Variants in KYNU observed in about 807,000 individuals in gnomAD.
KYNU encodes the protein kynureninase.
A neutral mutation model predicts 59.2 loss-of-function variants in KYNU; 54 were observed. That is an observed-to-expected ratio of 0.91 (90% CI 0.73 to 1.14). The LOEUF is 1.14. Ranked by LOEUF, KYNU falls within the 50% of genes most tolerant of loss-of-function variation. The pLI, the probability that KYNU is intolerant of heterozygous loss-of-function variation, is 0.00. For synonymous variants in KYNU, 177 were observed against 192.0 expected (o/e 0.92, Z 0.65); for missense variants, 567 against 554.4 (o/e 1.02, Z -0.23).
chr2:142,895,210 T>C (rs4662305), intron 2 of KYNU, among the ~76,000 whole-genome samples: 83,984 of 151,952 alleles, frequency 0.55, 24,253 homozygotes, highest in African/African-American at 0.7. Context: ...TATAGAATTA[T>C]ATTAACACAC....
chr2:142,905,908 G>A (rs1301024137), intron 2 of KYNU, among the ~76,000 whole-genome samples: 2 of 152,116 alleles, frequency 1.3e-5, no homozygotes, highest in Non-Finnish European at 2.9e-5. Context: ...TCAATTATAG[G>A]TTTTAAATTT....
At chr2:142,932,265 G>A (rs1026731409) in intron 4 of KYNU, among the ~76,000 whole-genome samples, 2 of 152,088 alleles carry the variant, frequency 1.3e-5, no homozygotes. Context: ...TTGAGAGTGA[G>A]GAAGAACAAA....
intron 4 of KYNU, among the ~76,000 whole-genome samples, chr2:142,932,384 C>T (rs572346648): frequency 2.0e-5 from 3 of 152,202 alleles, no homozygotes; most frequent in Admixed American, 2.0e-4. Flanking sequence ...GGGAGAGAAA[C>T]TGGCCTTGCA....
intron 8 of KYNU, among the ~76,000 whole-genome samples, chr2:142,981,175 G>A (rs189760518): frequency 4.9e-4 from 75 of 152,210 alleles, no homozygotes; most frequent in Admixed American, 8.5e-4. Flanking sequence ...GTGGCCAGAA[G>A]GATTTTCATA....
chr2:143,019,840 T>C lies in KYNU; in HGVS notation c.903-9787T>C, dbSNP rs376188945. Among the ~76,000 whole-genome samples the C allele has an allele frequency of 4.5e-4, 68 of 152,176 alleles. 2 individuals are homozygous for C. The highest frequency in any genetic ancestry group is 1.6e-3 in the African/African-American group (65 of 41,574). On this transcript the variant is annotated intron_variant, in intron 10 of 13. Transcript: ENST00000264170. Reference sequence around the variant, plus strand: ...TTATTGCTTCAATCTTCTTACTGTTTCTTCATAGTTCAACCCTGGTAGATC... The same window carrying C: ...TTATTGCTTCAATCTTCTTACTGTTCCTTCATAGTTCAACCCTGGTAGATC...
At chr2:142,881,654 A>G (rs1369261426) in intron 1 of KYNU, among the ~76,000 whole-genome samples, 1 of 152,212 alleles carries the variant, frequency 6.6e-6, no homozygotes, top group African/African-American at 2.4e-5. Context: ...CTTGTGATCC[A>G]ATATTCCCCT....
At chr2:143,013,294 T>TTGTGTGTGTGTGTGTGTG (rs1558975473) in intron 10 of KYNU, among the ~76,000 whole-genome samples, 1 of 133,250 alleles carries the variant, frequency 7.5e-6, no homozygotes, top group Admixed American at 7.6e-5. Flanking sequence ...CTCTGTCTCT[T>TTGTGTGTGTGTGTGTGTG]TCTCTGTGTG....
In KYNU at chr2:143,045,320, T is replaced by A. The variant is rs1687149292; in HGVS notation, c.*3148T>A. The stretch of plus-strand genomic sequence containing the variant: ...GGATTGTCTTGGCAATACAGGTTCT[T>A]TTTTGGTTCCATATGAAATTTAAAG... On this transcript the variant is annotated 3_prime_UTR_variant, in exon 14 of 14. Coordinates refer to ENST00000264170, the MANE Select transcript of KYNU (RefSeq NM_003937.3). The A allele has an allele frequency of 6.6e-6, 1 of 152,212 alleles. No homozygotes were observed. Among genetic ancestry groups the A allele is most frequent in the Admixed American group, 6.6e-5 (1 of 15,264 alleles). The allele number at this position is 152,212 out of a possible 1,614,324, so 9.4% of individuals were successfully genotyped here. A position where few individuals can be genotyped will look rare whatever the true frequency, so the allele number is the denominator to read the frequency against.
Position 143,042,164 on chromosome 2 carries a change from A to G in KYNU, c.1390A>G (p.Lys464Glu), listed in dbSNP as rs1445922282. 5.6e-6 allele frequency: 9 copies of G among 1,609,278 alleles called. No homozygotes were observed. Among genetic ancestry groups the G allele is most frequent in the Non-Finnish European group, 7.6e-6 (9 of 1,178,276 alleles). ...LTSILDSAET[K>E]N ...TTCTATACTTGACTCTGCAGAAACA[A>G]AAAATTAGCAGTGTTTTCTAGAACA... Residue 464 changes from lysine (K) to glutamate (E), a missense_variant, in exon 14 of 14, where the codon AAA becomes GAA. Physicochemically the swap from Lys to Glu is moderately conservative, Grantham distance 56 (BLOSUM62 1). Coordinates refer to ENST00000264170, the MANE Select transcript of KYNU (RefSeq NM_003937.3).
At chr2:143,017,666 G>A (rs921677729) in intron 10 of KYNU, among the ~76,000 whole-genome samples, 1 of 151,898 alleles carries the variant, frequency 6.6e-6, no homozygotes, top group African/African-American at 2.4e-5. Flanking sequence ...TCAAACTCCT[G>A]ACCTCAGGTG....
rs1486499024 is a variant in KYNU at position 143,052,672 on chromosome 2, A to G, written c.*10500A>G. On this transcript the variant is annotated 3_prime_UTR_variant, in exon 14 of 14. Coordinates refer to ENST00000264170, the MANE Select transcript of KYNU (RefSeq NM_003937.3). ...TGAGCCTGGGTTCACAGAAGTCAAG[A>G]ACTGAGGTTTGGGAACTTACACCAA... 6.6e-6 allele frequency: 1 copy of G among 152,230 alleles called. No homozygotes were observed. The highest frequency in any genetic ancestry group is 1.5e-5 in the Non-Finnish European group (1 of 68,062). The allele number at this position is 152,230 out of a possible 1,614,324, so 9.4% of individuals were successfully genotyped here.
At chr2:142,892,553 A>G (rs1681749103) in intron 2 of KYNU, among the ~76,000 whole-genome samples, 1 of 152,238 alleles carries the variant, frequency 6.6e-6, no homozygotes, top group Non-Finnish European at 1.5e-5. Context: ...GATTGGTATA[A>G]TAGGGTGAAG....
chr2:142,887,961 A>G (rs772862567), intron 2 of KYNU, among the ~76,000 whole-genome samples: 5 of 152,316 alleles, frequency 3.3e-5, no homozygotes, highest in Non-Finnish European at 5.9e-5. Flanking sequence ...CCCCTTAGAG[A>G]AAAGCAGCAT....
chr2:143,037,564 AT>A (rs1686925300), intron 12 of KYNU, among the ~76,000 whole-genome samples: 1 of 152,262 alleles, frequency 6.6e-6, no homozygotes, highest in East Asian at 1.9e-4. Flanking sequence ...TAAGAGAAAA[AT>A]ATGACAATTG....
chr2:143,052,434 C>T lies in KYNU; in HGVS notation c.*10262C>T, dbSNP rs1489543121. The T allele has an allele frequency of 6.6e-6, 1 of 152,170 alleles. No homozygotes were observed. Among genetic ancestry groups the T allele is most frequent in the Non-Finnish European group, 1.5e-5 (1 of 68,054 alleles). The allele number at this position is 152,170 out of a possible 1,614,324, so 9.4% of individuals were successfully genotyped here. ...AATGTCTCCAGGGCATGTCAGAGAC[C>T]TTTGTGGCAGCCCCTCCCATCACAG... On this transcript the variant is annotated 3_prime_UTR_variant, in exon 14 of 14. Coordinates refer to ENST00000264170, the MANE Select transcript of KYNU (RefSeq NM_003937.3).
chr2:142,881,310 A>C (rs551480799), intron 1 of KYNU: 2 of 152,358 alleles, frequency 1.3e-5, no homozygotes, highest in South Asian at 4.1e-4. Context: ...CAAAGTAAAA[A>C]ACATGCAATG....
In KYNU at chr2:143,029,981, A is replaced by G. The variant is rs141431783; in HGVS notation, c.955+302A>G. On this transcript the variant is annotated intron_variant, in intron 11 of 13. Transcript: ENST00000264170. ...GCCTGAAACACTGGGCATGGAGGAC[A>G]GGAGGAAATTTGGGGCTTGGAGTCA... is the stretch of plus-strand genomic sequence containing the variant. 5.9e-5 allele frequency among the ~76,000 whole-genome samples: 9 copies of G among 152,350 alleles called. No individual in the cohort carries two copies. In the East Asian group the frequency reaches 1.7e-3, roughly 29 times the overall value.
intron 10 of KYNU, among the ~76,000 whole-genome samples, chr2:143,000,290 A>G (rs1022892016): frequency 1.3e-5 from 2 of 152,206 alleles, no homozygotes; most frequent in Non-Finnish European, 2.9e-5. Context: ...ACATCGAGAT[A>G]TTAATCTTTA....
intron 3 of KYNU, among the ~76,000 whole-genome samples, chr2:142,921,006 C>T (rs1385242092): frequency 2.0e-5 from 3 of 152,106 alleles, no homozygotes; most frequent in African/African-American, 7.2e-5. Flanking sequence ...TTTTCTCTAC[C>T]AAATGAGTAC....
Sources: allele counts gnomAD v4.1 joint callset (sites outside exome capture counted in the v4.1 genomes callset), GRCh38; gene constraint gnomAD v4.1.1; transcripts MANE v1.5; gene names NCBI Gene and HGNC (gene_info 2026-07-23, HGNC 2026-07-21).